The following CFAP161 variants were observed in gnomAD, a reference collection of about 807,000 sequenced individuals.
The protein encoded by CFAP161 is cilia- and flagella-associated protein 161.
A neutral mutation model predicts 29.0 loss-of-function variants in CFAP161; 25 were observed. That is an observed-to-expected ratio of 0.86 (90% CI 0.63 to 1.20). The LOEUF (loss-of-function observed/expected upper bound fraction) is 1.20, where lower values mean the gene tolerates loss of function less well. Ranked by LOEUF, CFAP161 falls within the 50% of genes most tolerant of loss-of-function variation. The probability of loss-of-function intolerance (pLI) is 0.00; values close to 1 mark genes in which losing one functional copy is unlikely to be tolerated. For missense variants in CFAP161, 367 were observed against 371.9 expected (o/e 0.99, Z 0.11); for synonymous variants, 116 against 137.4 (o/e 0.84, Z 1.09).
At chr15:81,133,206 TATATATATATATA>T (rs1894739769), upstream of CFAP161, among the ~76,000 whole-genome samples, 2 of 68,750 alleles carry the variant, frequency 2.9e-5, no homozygotes, top group African/African-American at 1.1e-4. Flanking sequence ...TATATATATA[TATATATATATATA>T]TATATGTATT....
intron 1 of CFAP161, among the ~76,000 whole-genome samples, chr15:81,123,736 C>T (rs1894604756): frequency 6.6e-6 from 1 of 152,004 alleles, no homozygotes; most frequent in Admixed American, 6.6e-5. Context: ...TGTAGTTCTC[C>T]TTGTTGAGAT....
At chr15:81,122,909 G>A (rs552081803) in intron 1 of CFAP161, among the ~76,000 whole-genome samples, 3 of 151,998 alleles carry the variant, frequency 2.0e-5, no homozygotes, top group East Asian at 1.9e-4. Flanking sequence ...GTAAGTTCTC[G>A]ATTAAGTTCC....
intron 5 of CFAP161, among the ~76,000 whole-genome samples, chr15:81,146,831 A>AATATATATATATAT (rs3086710): frequency 3.7e-4 from 26 of 70,584 alleles, no homozygotes; most frequent in Non-Finnish European, 5.7e-4. Context: ...GATAGCTACA[A>AATATATATATATAT]ATATATATAT....
intron 1 of CFAP161, among the ~76,000 whole-genome samples, chr15:81,123,251 G>A (rs369576489): frequency 1.5e-4 from 23 of 152,160 alleles, no homozygotes; most frequent in African/African-American, 2.4e-4. Context: ...TTAATCTTCC[G>A]CATATGGCTA....
At chr15:81,105,301 CTTCCTTTCTTCCTTTCTTTCCT>C (rs1456137217) in intron 1 of CFAP161, among the ~76,000 whole-genome samples, 1 of 119,452 alleles carries the variant, frequency 8.4e-6, no homozygotes, top group Non-Finnish European at 1.7e-5. Context: ...CTTTCTTTTC[CTTCCTTTCTTCCTTTCTTTCCT>C]TTCCTTCTTC....
At chr15:81,111,231 G>A (rs142150803) in intron 1 of CFAP161, among the ~76,000 whole-genome samples, 60 of 152,280 alleles carry the variant, frequency 3.9e-4, no homozygotes, top group African/African-American at 9.9e-4. Context: ...CCACAAAGGC[G>A]GGGACCATGA....
chr15:81,118,003 T>C (rs1894521457), intron 1 of CFAP161: 1 of 488,854 alleles, frequency 2.0e-6, no homozygotes, highest in Non-Finnish European at 3.8e-6. Context: ...ACTCTCTTGG[T>C]AGTCATTCAG....
intron 4 of CFAP161, 69 bp from the exon 5 acceptor site, chr15:81,143,593 A>G (rs1161250194): frequency 2.0e-6 from 3 of 1,509,186 alleles, no homozygotes; most frequent in Non-Finnish European, 2.7e-6. Context: ...CCAGCCAGTC[A>G]ATTGCTTCTT....
At chr15:81,100,971 C>A (rs1162452133) in intron 1 of CFAP161, among the ~76,000 whole-genome samples, 1 of 152,170 alleles carries the variant, frequency 6.6e-6, no homozygotes, top group Admixed American at 6.5e-5. Context: ...AACTTGGCCA[C>A]CAACTTGGCT....
intron 1 of CFAP161, among the ~76,000 whole-genome samples, chr15:81,102,067 C>G (rs949094080): frequency 6.6e-6 from 1 of 152,164 alleles, no homozygotes; most frequent in Non-Finnish European, 1.5e-5. Flanking sequence ...TTTCATCATT[C>G]CCTGGAATTG....
chr15:81,134,524 A>C, intron 1 of CFAP161, 126 bp downstream of exon 1: 3 of 933,778 alleles, frequency 3.2e-6, no homozygotes, highest in East Asian at 2.8e-5. Context: ...AATACCTCTA[A>C]AATCCCCCAC....
At chr15:81,117,719 C>T in intron 1 of CFAP161, 2 of 321,062 alleles carry the variant, frequency 6.2e-6, no homozygotes, top group Non-Finnish European at 6.2e-6. Context: ...CATCTTCATC[C>T]TCATCCATCT....
chr15:81,116,528 C>T (rs957877704), intron 1 of CFAP161, among the ~76,000 whole-genome samples: 2 of 152,166 alleles, frequency 1.3e-5, no homozygotes, highest in African/African-American at 4.8e-5. Flanking sequence ...AACTCCTGAC[C>T]TCAGGTGATC....
chr15:81,103,625 T>G (rs1461860160), intron 1 of CFAP161, among the ~76,000 whole-genome samples: 1 of 152,206 alleles, frequency 6.6e-6, no homozygotes, highest in Non-Finnish European at 1.5e-5. Flanking sequence ...GCCATATGCA[T>G]TTCTTCACCT....
At chr15:81,100,057 A>C (rs1189944349) in intron 1 of CFAP161, among the ~76,000 whole-genome samples, 1 of 151,896 alleles carries the variant, frequency 6.6e-6, no homozygotes, top group Non-Finnish European at 1.5e-5. Context: ...GTTTGCAAAC[A>C]CTCAATAAGT....
chr15:81,105,175 CCCTTCCTTTTTT>C (rs1894354055), intron 1 of CFAP161, among the ~76,000 whole-genome samples: 3 of 62,234 alleles, frequency 4.8e-5, no homozygotes, highest in African/African-American at 2.5e-4. Context: ...CTTCCTCCCT[CCCTTCCTTTTTT>C]CCTCCCTCAC....
intron 2 of CFAP161, among the ~76,000 whole-genome samples, chr15:81,128,470 A>G (rs1193493679): frequency 6.6e-6 from 1 of 151,940 alleles, no homozygotes; most frequent in East Asian, 1.9e-4. Flanking sequence ...ATAAGCAGCA[A>G]CTCCTCCTCA....
chr15:81,132,961 T>C (rs1348732136), upstream of CFAP161, among the ~76,000 whole-genome samples: 1 of 151,894 alleles, frequency 6.6e-6, no homozygotes, highest in African/African-American at 2.4e-5. Flanking sequence ...CCTTCAGAAG[T>C]ATCCTCGAAT....
At chr15:81,139,530 A>C (rs959807493) in intron 4 of CFAP161, among the ~76,000 whole-genome samples, 2 of 152,170 alleles carry the variant, frequency 1.3e-5, no homozygotes, top group African/African-American at 2.4e-5. Context: ...TATTCTTTCT[A>C]AAATAGCATT....
Sources: gnomAD v4.1 joint callset for allele counts (sites outside exome capture counted in the v4.1 genomes callset) on GRCh38, gnomAD v4.1.1 for gene constraint, MANE v1.5 for transcripts, NCBI Gene and HGNC (gene_info 2026-07-23, HGNC 2026-07-21) for gene names.